The following ZNF609 variants were observed in gnomAD, a reference collection of about 807,000 sequenced individuals.
ZNF609 encodes the protein zinc finger protein 609.
In ZNF609, 11 loss-of-function variants were observed where a neutral mutation model predicts 109.5. The observed-to-expected ratio is 0.10, with a 90% CI of 0.06 to 0.17. The LOEUF (loss-of-function observed/expected upper bound fraction) is 0.17, where lower values mean the gene tolerates loss of function less well. Among genes scored for constraint, ZNF609 ranks in the 10% least tolerant of loss-of-function variants. The probability of loss-of-function intolerance (pLI) is 1.00; values close to 1 mark genes in which losing one functional copy is unlikely to be tolerated. For missense variants in ZNF609, 1,559 were observed against 1,772.4 expected (o/e 0.88, Z 2.16); for synonymous variants, 646 against 662.0 (o/e 0.98, Z 0.37).
chr15:64,502,157 T>G (rs1893571150), intron 2 of ZNF609: 1 of 152,220 alleles, frequency 6.6e-6, no homozygotes, highest in Admixed American at 6.5e-5. Context: ...GCAATTACTT[T>G]TAGAAGCAGA....
chr15:64,655,867 T>G (rs1896480959), intron 3 of ZNF609, among the ~76,000 whole-genome samples: 1 of 151,960 alleles, frequency 6.6e-6, no homozygotes, highest in Non-Finnish European at 1.5e-5. Flanking sequence ...AACAAAAATG[T>G]GTACATTAAA....
At chr15:64,635,540 T>C (rs911963606) in intron 3 of ZNF609, among the ~76,000 whole-genome samples, 8 of 152,218 alleles carry the variant, frequency 5.3e-5, no homozygotes, top group African/African-American at 1.9e-4. Context: ...TTTACAACTC[T>C]GTAATCATTT....
Position 64,683,402 on chromosome 15 carries a change from G to A in ZNF609, c.*1716G>A, listed in dbSNP as rs767614222. ...GAACCCTACACTTGAGAGGCTTAGG[G>A]TCACCATCTGCTCAAGAGGATCCCC... On this transcript the variant is annotated 3_prime_UTR_variant, in exon 10 of 10. Transcript: ENST00000326648. 2 of 152,644 alleles carry A rather than the reference G, an allele frequency of 1.3e-5. No individual in the cohort carries two copies. Among genetic ancestry groups the A allele is most frequent in the Non-Finnish European group, 2.9e-5 (2 of 68,050 alleles). The allele number at this position is 152,644 out of a possible 1,614,324, so 9.5% of individuals were successfully genotyped here.
In ZNF609 at chr15:64,530,011, G is replaced by A. The variant is rs573747508; in HGVS notation, c.747+29845G>A. Among the ~76,000 whole-genome samples, 11 of 151,612 alleles carry A rather than the reference G, an allele frequency of 7.3e-5. No homozygotes were observed. The East Asian group carries it at 1.4e-3, about 19-fold the overall frequency. The stretch of plus-strand genomic sequence containing the variant: ...TCCCAAAGTGCTGGGATTACAAGGC[G>A]TGAGCCACTGCACCTGGCCTTGGTT... On this transcript the variant is annotated intron_variant, in intron 2 of 9. Transcript: ENST00000326648.
At chr15:64,633,712 T>C (rs751867470) in intron 3 of ZNF609, among the ~76,000 whole-genome samples, 2 of 152,170 alleles carry the variant, frequency 1.3e-5, no homozygotes, top group Non-Finnish European at 2.9e-5. Flanking sequence ...ATTTGTTATC[T>C]GGTCTTTTGT....
intron 3 of ZNF609, among the ~76,000 whole-genome samples, chr15:64,669,657 C>T (rs1385295911): frequency 6.6e-6 from 1 of 151,826 alleles, no homozygotes; most frequent in East Asian, 1.9e-4. Context: ...TAGTCAAAAG[C>T]TTTATTTTTT....
chr15:64,545,024 AGAG>A (rs944325226), intron 2 of ZNF609, among the ~76,000 whole-genome samples: 1 of 152,220 alleles, frequency 6.6e-6, no homozygotes, highest in African/African-American at 2.4e-5. Flanking sequence ...AGCAGGTAAA[AGAG>A]ATTAAGACTT....
upstream of ZNF609, among the ~76,000 whole-genome samples, chr15:64,460,413 C>G (rs982991131): frequency 8.5e-5 from 13 of 152,282 alleles, no homozygotes; most frequent in Non-Finnish European, 1.8e-4. Context: ...AGCTAAGACT[C>G]CCTAATCTGG....
At chr15:64,574,513 G>C (rs373717518) in intron 2 of ZNF609, among the ~76,000 whole-genome samples, 1 of 152,092 alleles carries the variant, frequency 6.6e-6, no homozygotes, top group African/African-American at 2.4e-5. Context: ...TCTTCCCTTT[G>C]TTGGTGGCTA....
At chr15:64,559,102 A>G (rs1001420919) in intron 2 of ZNF609, among the ~76,000 whole-genome samples, 4 of 152,234 alleles carry the variant, frequency 2.6e-5, no homozygotes, top group Non-Finnish European at 4.4e-5. Flanking sequence ...GAGAGGATAC[A>G]TAATTCCCAG....
chr15:64,661,847 G>A (rs754651818), intron 3 of ZNF609, among the ~76,000 whole-genome samples: 105 of 152,254 alleles, frequency 6.9e-4, no homozygotes, highest in African/African-American at 2.3e-3. Context: ...ATAAATATTC[G>A]TTCAAGGTAG....
chr15:64,606,869 C>T (rs927008665), intron 2 of ZNF609, among the ~76,000 whole-genome samples: 6 of 151,004 alleles, frequency 4.0e-5, no homozygotes, highest in African/African-American at 1.2e-4. Context: ...ATGGGCTGGG[C>T]GTGGTGGCTC....
In ZNF609 at chr15:64,675,994, C is replaced by T; in HGVS notation, c.3140C>T (p.Pro1047Leu). ...KEEWKQKPSIPPTLTKAPSLT... is the reference protein window; with the variant it reads ...KEEWKQKPSILPTLTKAPSLT... ...GAGTGGAAGCAAAAGCCGTCAATTC[C>T]ACCAACTCTCACCAAGGCCCCCAGC... Residue 1047 changes from proline to leucine, a missense_variant, in exon 5 of 10, where the codon CCA becomes CTA. By Grantham distance (98) the Pro-to-Leu change is moderately conservative. Coordinates refer to ENST00000326648, the MANE Select transcript of ZNF609 (RefSeq NM_015042.2). 3 of 1,614,180 alleles carry T rather than the reference C, an allele frequency of 1.9e-6. No individual in the cohort carries two copies. The highest frequency in any genetic ancestry group is 1.1e-5 in the South Asian group (1 of 91,084).
intron 4 of ZNF609, among the ~76,000 whole-genome samples, chr15:64,672,146 G>A: frequency 6.7e-6 from 1 of 150,048 alleles, no homozygotes. Context: ...CCGAGTAGCT[G>A]GGACTACAGG....
chr15:64,575,293 A>C (rs1297285436), intron 2 of ZNF609, among the ~76,000 whole-genome samples: 2 of 152,118 alleles, frequency 1.3e-5, no homozygotes, highest in Non-Finnish European at 2.9e-5. Context: ...GTGTGGTGGC[A>C]CATGCCTGTA....
chr15:64,670,481 T>C, intron 4 of ZNF609, 48 bp downstream of exon 4: 1 of 1,483,314 alleles, frequency 6.7e-7, no homozygotes. Flanking sequence ...ACCACACTAA[T>C]TGGTGATCCC....
rs1226115019 is a variant in ZNF609, at chr15:64,674,500, A to G, written c.1646A>G (p.Asn549Ser). Residue 549 changes from asparagine to serine, a missense_variant, in exon 5 of 10, where the codon AAC (asparagine) becomes AGC (serine). Physicochemically the swap from Asn to Ser is conservative, Grantham distance 46. This residue lies in a region of ZNF609 where 1,204 missense variants were observed against 1,314.1 expected (regional missense o/e 0.92). Coordinates refer to ENST00000326648, the MANE Select transcript of ZNF609 (RefSeq NM_015042.2). ...PILHADLGSC[N>S]GASVSQKGSL... ...CTCCATGCAGATCTTGGGAGCTGCA[A>G]CGGTGCATCTGTCTCACAAAAAGGT... is the stretch of plus-strand genomic sequence containing the variant. The G allele has an allele frequency of 6.2e-7, 1 of 1,614,170 alleles. No homozygotes were observed. Among genetic ancestry groups the G allele is most frequent in the Non-Finnish European group, 8.5e-7 (1 of 1,180,012 alleles).
At chr15:64,657,080 G>A (rs141425497) in intron 3 of ZNF609, among the ~76,000 whole-genome samples, 5,928 of 151,504 alleles carry the variant, frequency 0.039, 175 homozygotes, top group Non-Finnish European at 0.057. Flanking sequence ...CCAACATGGC[G>A]AAACCCGTCT....
At chr15:64,612,407 C>T (rs1388423527) in intron 2 of ZNF609, among the ~76,000 whole-genome samples, 2 of 152,094 alleles carry the variant, frequency 1.3e-5, no homozygotes, top group Admixed American at 1.3e-4. Context: ...CCTCAGCCTC[C>T]CAAAGTGCTG....
Sources: allele counts gnomAD v4.1 joint callset (sites outside exome capture counted in the v4.1 genomes callset), GRCh38; gene constraint gnomAD v4.1.1; regional missense constraint gnomAD v4.1.1; transcripts MANE v1.5; gene names NCBI Gene and HGNC (gene_info 2026-07-23, HGNC 2026-07-21).